IQCJ: variants seen among roughly 807,000 people sequenced by gnomAD.
IQCJ encodes IQ domain-containing protein J.
In IQCJ, 9 loss-of-function variants were observed where a neutral mutation model predicts 11.0. That is an observed-to-expected ratio of 0.82 (90% CI 0.49 to 1.43). The LOEUF (loss-of-function observed/expected upper bound fraction) is 1.43, where lower values mean the gene tolerates loss of function less well. Ranked by LOEUF, IQCJ falls within the 40% of genes most tolerant of loss-of-function variation. The probability of loss-of-function intolerance (pLI) is 0.00; values close to 1 mark genes in which losing one functional copy is unlikely to be tolerated. For missense variants in IQCJ, 146 were observed against 133.2 expected, an observed-to-expected ratio of 1.10 and a Z score of -0.47; for synonymous variants, 55 against 51.3, an observed-to-expected ratio of 1.07 and a Z score of -0.31.
intron 1 of IQCJ, among the ~76,000 whole-genome samples, chr3:159,096,483 G>A (rs1161056546): frequency 8.3e-6 from 1 of 120,896 alleles, no homozygotes; most frequent in African/African-American, 3.3e-5. Context: ...TTCTTCTAGG[G>A]TTTTTATGGT....
intron 1 of IQCJ, among the ~76,000 whole-genome samples, chr3:159,144,661 G>C (rs61796030): frequency 3.3e-5 from 5 of 150,220 alleles, no homozygotes; most frequent in Admixed American, 1.3e-4. Flanking sequence ...TACACACACA[G>C]ACACACACAC....
At chr3:159,082,058 A>T (rs911316796) in intron 1 of IQCJ, among the ~76,000 whole-genome samples, 5 of 152,114 alleles carry the variant, frequency 3.3e-5, no homozygotes, top group Admixed American at 1.3e-4. Flanking sequence ...GTATTGGCTT[A>T]TTAAATTTGA....
intron 1 of IQCJ, among the ~76,000 whole-genome samples, chr3:159,141,352 A>G (rs910378369): frequency 2.6e-5 from 4 of 152,172 alleles, no homozygotes; most frequent in Admixed American, 6.5e-5. Context: ...GTAAGCAGGG[A>G]TGGATCACAC....
rs146464115 is a variant in IQCJ at position 159,188,367 on chromosome 3, G to A, written c.10-57476G>A. On this transcript the variant is annotated intron_variant, in intron 1 of 3. Coordinates refer to ENST00000397832, the MANE Select transcript of IQCJ (RefSeq NM_001042706.3). ...GGAGGTTGCAGTGAGCCGAGATCACGCCATTACACTCCAGCCTGGGCAACA... is the reference window on the plus strand; with the variant it reads ...GGAGGTTGCAGTGAGCCGAGATCACACCATTACACTCCAGCCTGGGCAACA... 6.9e-3 allele frequency among the ~76,000 whole-genome samples: 1,048 copies of A among 152,180 alleles called. 6 individuals carry two copies. Among genetic ancestry groups the A allele is most frequent in the African/African-American group, 0.024 (991 of 41,520 alleles).
At chr3:159,182,463 G>A (rs548023669) in intron 1 of IQCJ, among the ~76,000 whole-genome samples, 16 of 152,090 alleles carry the variant, frequency 1.1e-4, no homozygotes, top group Non-Finnish European at 1.3e-4. Context: ...AGGACAAGCC[G>A]CAGACAAAAC....
intron 1 of IQCJ, among the ~76,000 whole-genome samples, chr3:159,237,472 A>G (rs909447462): frequency 3.3e-5 from 5 of 152,222 alleles, no homozygotes; most frequent in Admixed American, 3.3e-4. Context: ...CCCACCATTC[A>G]TTCTAATAGT....
chr3:159,186,295 A>G (rs954398273), intron 1 of IQCJ, among the ~76,000 whole-genome samples: 7 of 152,204 alleles, frequency 4.6e-5, no homozygotes, highest in Non-Finnish European at 8.8e-5. Flanking sequence ...GAATAAAGGA[A>G]GGAATGAAGG....
intron 1 of IQCJ, among the ~76,000 whole-genome samples, chr3:159,166,195 T>C (rs6789496): frequency 6.6e-6 from 1 of 151,932 alleles, no homozygotes; most frequent in African/African-American, 2.4e-5. Flanking sequence ...CAGCATGTGA[T>C]AAATTAGATA....
chr3:159,251,108 C>T (rs1185059723), intron 2 of IQCJ, among the ~76,000 whole-genome samples: 1 of 152,120 alleles, frequency 6.6e-6, no homozygotes, highest in Non-Finnish European at 1.5e-5. Context: ...AACAATCAGG[C>T]TGAGTAACCC....
chr3:159,233,445 G>A (rs1486937084), intron 1 of IQCJ, among the ~76,000 whole-genome samples: 2 of 152,190 alleles, frequency 1.3e-5, no homozygotes, highest in African/African-American at 2.4e-5. Flanking sequence ...TAACTAATGG[G>A]AAATGGGTTG....
chr3:159,113,250 TC>T (rs1718744683), intron 1 of IQCJ, among the ~76,000 whole-genome samples: 2 of 152,324 alleles, frequency 1.3e-5, no homozygotes, highest in African/African-American at 4.8e-5. Flanking sequence ...ATCTAGTTTC[TC>T]CTTAGGTTTA....
chr3:159,113,748 C>T (rs1393359353), intron 1 of IQCJ, among the ~76,000 whole-genome samples: 3 of 152,166 alleles, frequency 2.0e-5, no homozygotes, highest in Non-Finnish European at 4.4e-5. Context: ...AGACTCATAA[C>T]TCTAATTAAC....
At chr3:159,194,842 G>A (rs73877541) in intron 1 of IQCJ, among the ~76,000 whole-genome samples, 8 of 152,222 alleles carry the variant, frequency 5.3e-5, no homozygotes, top group Admixed American at 5.2e-4. Flanking sequence ...ACTGGGTGTG[G>A]TGGCTCACGC....
At chr3:159,085,295 A>G (rs531508918) in intron 1 of IQCJ, among the ~76,000 whole-genome samples, 2 of 150,494 alleles carry the variant, frequency 1.3e-5, no homozygotes, top group South Asian at 4.2e-4. Context: ...TATGTGCCAC[A>G]TTTTCTTAAT....
intron 1 of IQCJ, among the ~76,000 whole-genome samples, chr3:159,223,358 G>A (rs1344614697): frequency 2.6e-5 from 4 of 152,010 alleles, no homozygotes; most frequent in African/African-American, 9.7e-5. Context: ...AAGAAATGGG[G>A]GATAAAAAGG....
intron 1 of IQCJ, among the ~76,000 whole-genome samples, chr3:159,103,896 C>T (rs1047406048): frequency 6.6e-6 from 1 of 152,234 alleles, no homozygotes; most frequent in African/African-American, 2.4e-5. Context: ...GGAAATACTG[C>T]ATTGGTTTAA....
intron 1 of IQCJ, among the ~76,000 whole-genome samples, chr3:159,118,897 G>T (rs1311354273): frequency 6.6e-6 from 1 of 152,160 alleles, no homozygotes; most frequent in Non-Finnish European, 1.5e-5. Flanking sequence ...CAGGAAAAGC[G>T]ACCAGACAAC....
At chr3:159,165,421 A>G (rs914641010) in intron 1 of IQCJ, among the ~76,000 whole-genome samples, 15 of 152,166 alleles carry the variant, frequency 9.9e-5, no homozygotes, top group African/African-American at 3.6e-4. Flanking sequence ...TGCCAGAGAA[A>G]GACAGATGTG....
chr3:159,138,463 A>T (rs368221695), intron 1 of IQCJ, among the ~76,000 whole-genome samples: 1 of 152,238 alleles, frequency 6.6e-6, no homozygotes, highest in African/African-American at 2.4e-5. Flanking sequence ...TAAAATTTGA[A>T]TTCAAGCCTC....
Sources: gnomAD v4.1 joint callset for allele counts (sites outside exome capture counted in the v4.1 genomes callset) on GRCh38, gnomAD v4.1.1 for gene constraint, MANE v1.5 for transcripts, NCBI Gene and HGNC (gene_info 2026-07-23, HGNC 2026-07-21) for gene names.